The following CSMD1 variants were observed in gnomAD, a reference collection of about 807,000 sequenced individuals.
The protein encoded by CSMD1 is CUB and Sushi multiple domains 1, also known as CUB and sushi domain-containing protein 1.
A neutral mutation model predicts 417.5 loss-of-function variants in CSMD1; 213 were observed. The ratio of observed to expected loss-of-function variants is 0.51; its 90% CI spans 0.46 to 0.57. The LOEUF (loss-of-function observed/expected upper bound fraction) is 0.57, where lower values mean the gene tolerates loss of function less well. Among genes scored for constraint, CSMD1 ranks in the 20% least tolerant of loss-of-function variants. CSMD1 has a pLI of 0.00. For synonymous variants in CSMD1, 2,862 were observed against 1,736.8 expected (o/e 1.65, Z -16.11); for missense variants, 6,923 against 4,529.7 (o/e 1.53, Z -15.17).
intron 7 of CSMD1, among the ~76,000 whole-genome samples, chr8:3,681,280 T>C (rs912333239): frequency 2.0e-5 from 3 of 152,218 alleles, no homozygotes; most frequent in African/African-American, 2.4e-5. Flanking sequence ...GATTGTATAT[T>C]TAGAAAACCC....
At chr8:3,157,776 T>C (rs1819624977) in intron 39 of CSMD1, 121 bp downstream of exon 39, 1 of 761,090 alleles carries the variant, frequency 1.3e-6, no homozygotes, top group Non-Finnish European at 2.3e-6. Flanking sequence ...GTGCTATTAG[T>C]ATATAACACG....
intron 3 of CSMD1, among the ~76,000 whole-genome samples, chr8:4,194,020 T>C (rs1799191070): frequency 6.6e-6 from 1 of 152,246 alleles, no homozygotes; most frequent in South Asian, 2.1e-4. Flanking sequence ...GTTTTTGATA[T>C]TTAAGGCATG....
At chr8:4,682,673 G>C (rs551103495) in intron 1 of CSMD1, among the ~76,000 whole-genome samples, 2 of 151,876 alleles carry the variant, frequency 1.3e-5, no homozygotes, top group African/African-American at 2.4e-5. Context: ...GATCACAATA[G>C]TGTACAGCTT....
chr8:3,187,454 G>A (rs912826776), intron 36 of CSMD1, among the ~76,000 whole-genome samples: 1 of 152,142 alleles, frequency 6.6e-6, no homozygotes, highest in Non-Finnish European at 1.5e-5. Flanking sequence ...CTACATATGA[G>A]TAGGGTAGAA....
At chr8:3,352,661 G>A (rs1345704500) in intron 21 of CSMD1, among the ~76,000 whole-genome samples, 6 of 152,108 alleles carry the variant, frequency 3.9e-5, no homozygotes, top group Admixed American at 3.9e-4. Context: ...CCAACATGGT[G>A]AAACCCTATC....
intron 1 of CSMD1, among the ~76,000 whole-genome samples, chr8:4,690,448 T>G (rs1247200401): frequency 3.9e-5 from 6 of 152,306 alleles, no homozygotes; most frequent in Non-Finnish European, 7.4e-5. Flanking sequence ...TTGCAGAATT[T>G]AAGGAAATAT....
chr8:3,610,375 T>C (rs1055322612), intron 8 of CSMD1, among the ~76,000 whole-genome samples: 3 of 152,084 alleles, frequency 2.0e-5, no homozygotes, highest in Non-Finnish European at 4.4e-5. Context: ...TTTACAAAAA[T>C]CTTTTAACAA....
intron 1 of CSMD1, among the ~76,000 whole-genome samples, chr8:4,807,394 A>T (rs1173235429): frequency 6.6e-6 from 1 of 152,176 alleles, no homozygotes; most frequent in Non-Finnish European, 1.5e-5. Flanking sequence ...GCCGGGTGGG[A>T]AACGTGCTCC....
chr8:4,886,746 C>T (rs1021488041), intron 1 of CSMD1, among the ~76,000 whole-genome samples: 10 of 151,846 alleles, frequency 6.6e-5, no homozygotes, highest in African/African-American at 2.4e-4. Flanking sequence ...CTTTCTAGGA[C>T]TTCTAAAAAA....
At chr8:3,374,941 G>C (rs1810210957) in intron 18 of CSMD1, among the ~76,000 whole-genome samples, 1 of 152,294 alleles carries the variant, frequency 6.6e-6, no homozygotes, top group South Asian at 2.1e-4. Flanking sequence ...ACAAGTTTAT[G>C]GATGGGAGGA....
chr8:4,361,424 C>A (rs764589090), intron 3 of CSMD1, among the ~76,000 whole-genome samples: 2 of 152,118 alleles, frequency 1.3e-5, no homozygotes, highest in Non-Finnish European at 2.9e-5. Context: ...TCTAAGTAAT[C>A]TGAAAAACTA....
intron 18 of CSMD1, among the ~76,000 whole-genome samples, chr8:3,379,844 A>G (rs746369527): frequency 1.3e-4 from 20 of 152,342 alleles, no homozygotes; most frequent in Non-Finnish European, 1.9e-4. Flanking sequence ...ATGGGCAAGG[A>G]CTTCATGACT....
intron 3 of CSMD1, among the ~76,000 whole-genome samples, chr8:4,045,251 G>C (rs749768024): frequency 3.3e-5 from 5 of 152,202 alleles, no homozygotes; most frequent in African/African-American, 9.6e-5. Flanking sequence ...AGGAGCAGAA[G>C]TGAGACAAAG....
chr8:3,790,451 G>A (rs570096859), intron 5 of CSMD1, among the ~76,000 whole-genome samples: 91 of 152,196 alleles, frequency 6.0e-4, no homozygotes, highest in African/African-American at 2.1e-3. Context: ...ATGATGACAC[G>A]GTTATGGTAA....
intron 5 of CSMD1, among the ~76,000 whole-genome samples, chr8:3,876,249 C>T (rs1206765485): frequency 6.6e-6 from 1 of 152,152 alleles, no homozygotes; most frequent in Admixed American, 6.6e-5. Context: ...CGTTTAAAAT[C>T]AAATGCATTC....
intron 2 of CSMD1, among the ~76,000 whole-genome samples, chr8:4,421,465 C>A (rs1334035309): frequency 6.6e-6 from 1 of 152,144 alleles, no homozygotes. Context: ...TATAAAATAA[C>A]TGAAATCATA....
chr8:3,132,300 C>G (rs1431130632), intron 41 of CSMD1, among the ~76,000 whole-genome samples: 1 of 149,734 alleles, frequency 6.7e-6, no homozygotes, highest in East Asian at 1.9e-4. Flanking sequence ...TTTTTAATTC[C>G]TAGCTCTTGG....
chr8:3,942,811 T>C (rs151182356), intron 5 of CSMD1, among the ~76,000 whole-genome samples: 1 of 152,296 alleles, frequency 6.6e-6, no homozygotes, highest in Non-Finnish European at 1.5e-5. Context: ...ATTTTGGCAA[T>C]ACCTAACCAT....
intron 5 of CSMD1, among the ~76,000 whole-genome samples, chr8:3,755,152 G>A (rs1797585865): frequency 1.3e-5 from 2 of 152,192 alleles, no homozygotes; most frequent in Non-Finnish European, 1.5e-5. Context: ...CCCGTTAGAG[G>A]CGCAAGGGAC....
Sources: allele counts gnomAD v4.1 joint callset (sites outside exome capture counted in the v4.1 genomes callset), GRCh38; gene constraint gnomAD v4.1.1; transcripts MANE v1.5; gene names NCBI Gene and HGNC (gene_info 2026-07-23, HGNC 2026-07-21).